The following PXDNL variants were observed in gnomAD, a reference collection of about 807,000 sequenced individuals.
PXDNL encodes the protein probable oxidoreductase PXDNL.
In PXDNL, 145 loss-of-function variants were observed where a neutral mutation model predicts 150.8. The observed-to-expected ratio is 0.96, with a 90% confidence interval of 0.84 to 1.10. The LOEUF is 1.10. Ranked by LOEUF, PXDNL falls within the 50% of genes least tolerant of loss-of-function variation. The probability of loss-of-function intolerance (pLI) is 0.00; values close to 1 mark genes in which losing one functional copy is unlikely to be tolerated. For synonymous variants in PXDNL, 757 were observed against 725.7 expected (o/e 1.04, Z -0.69); for missense variants, 2,087 against 1,873.9 (o/e 1.11, Z -2.10).
At chr8:51,566,967 CTGA>C (rs1812842550) in intron 3 of PXDNL, among the ~76,000 whole-genome samples, 1 of 151,660 alleles carries the variant, frequency 6.6e-6, no homozygotes, top group Non-Finnish European at 1.5e-5. Flanking sequence ...CCCGCGAAAT[CTGA>C]TGAGTTGTAT....
intron 4 of PXDNL, among the ~76,000 whole-genome samples, chr8:51,531,455 T>A (rs1811904931): frequency 6.6e-6 from 1 of 152,106 alleles, no homozygotes; most frequent in South Asian, 2.1e-4. Flanking sequence ...GAGGGCCACA[T>A]CTGGAGCAGC....
intron 1 of PXDNL, among the ~76,000 whole-genome samples, chr8:51,747,865 G>A (rs2037002486): frequency 6.6e-6 from 1 of 152,164 alleles, no homozygotes. Context: ...GCAGGAGTAG[G>A]GAAAGAGCTC....
chr8:51,621,376 T>A (rs1814247828), intron 2 of PXDNL, among the ~76,000 whole-genome samples: 1 of 151,986 alleles, frequency 6.6e-6, no homozygotes, highest in Non-Finnish European at 1.5e-5. Context: ...GTTGGTATAA[T>A]TAAAATATTG....
chr8:51,449,849 C>A (rs1452022018), intron 10 of PXDNL, among the ~76,000 whole-genome samples: 2 of 152,102 alleles, frequency 1.3e-5, no homozygotes, highest in Non-Finnish European at 2.9e-5. Flanking sequence ...CAATCCAGAT[C>A]CCAAAAAAGG....
At chr8:51,748,741 C>T (rs2037012849) in intron 1 of PXDNL, among the ~76,000 whole-genome samples, 1 of 152,210 alleles carries the variant, frequency 6.6e-6, no homozygotes, top group African/African-American at 2.4e-5. Context: ...AAGCCCCTAC[C>T]TTCCTTAGTA....
Position 51,735,529 on chromosome 8 carries a change from T to TG in PXDNL, c.164+73651_164+73652insC. 4.6e-5 allele frequency among the ~76,000 whole-genome samples: 3 copies of TG among 65,252 alleles called. No homozygotes were observed. The African/African-American group carries it at 6.2e-4, about 13-fold the overall frequency. The allele number at this position is 65,252 out of a possible 152,430, so 42.8% of individuals were successfully genotyped here. On this transcript the variant is annotated intron_variant, in intron 1 of 22. Transcript: ENST00000356297. ...ATTAATTAATTAATTAAAAATTGTT[T>TG]TTTTTTTTTTTTTTTTTTTTTTTTT...
At chr8:51,498,946 T>C (rs1013095392) in intron 5 of PXDNL, among the ~76,000 whole-genome samples, 7 of 152,188 alleles carry the variant, frequency 4.6e-5, no homozygotes, top group Admixed American at 4.6e-4. Flanking sequence ...CTCTACTCTT[T>C]TGTTGTTGGA....
chr8:51,597,684 T>C (rs1813603297), intron 2 of PXDNL, among the ~76,000 whole-genome samples: 1 of 151,878 alleles, frequency 6.6e-6, no homozygotes, highest in South Asian at 2.1e-4. Context: ...TATGTGTGTG[T>C]ATGTGTCTAC....
intron 19 of PXDNL, among the ~76,000 whole-genome samples, chr8:51,352,789 ATGT>A (rs1806392660): frequency 3.3e-5 from 5 of 152,216 alleles, no homozygotes; most frequent in African/African-American, 1.2e-4. Flanking sequence ...GAGTGAAATC[ATGT>A]CTTTTTCAGC....
rs139132530 is a variant in PXDNL at position 51,353,743 on chromosome 8, C to T, written c.3902-7796G>A. On this transcript the variant is annotated intron_variant, in intron 19 of 22. Coordinates refer to ENST00000356297, the MANE Select transcript of PXDNL (RefSeq NM_144651.5). ...ATTGATCTCATTAGTAATATTCAGACACAATTCTATTAAGCTGTGCTGAAT... is the reference window on the plus strand; with the variant it reads ...ATTGATCTCATTAGTAATATTCAGATACAATTCTATTAAGCTGTGCTGAAT... 5.6e-3 allele frequency among the ~76,000 whole-genome samples: 852 copies of T among 152,262 alleles called. 27 individuals carry two copies. Among genetic ancestry groups the T allele is most frequent in the Admixed American group, 0.042 (639 of 15,292 alleles).
chr8:51,581,668 C>T (rs562572928), intron 3 of PXDNL, among the ~76,000 whole-genome samples: 1 of 152,204 alleles, frequency 6.6e-6, no homozygotes, highest in East Asian at 1.9e-4. Context: ...GGGATACTGG[C>T]TTGCAATTTT....
In PXDNL at chr8:51,651,127, TAAC is replaced by T. The variant is rs1329647532; in HGVS notation, c.236+3559_236+3561del. On this transcript the variant is annotated intron_variant, in intron 2 of 22. Coordinates refer to ENST00000356297, the MANE Select transcript of PXDNL (RefSeq NM_144651.5). ...ATAGAACATATAATTTAATGCCATT[TAAC>T]AATAATATTAATACATACATTAACT... Among the ~76,000 whole-genome samples, 46 of 152,336 alleles carry T rather than the reference TAAC, an allele frequency of 3.0e-4. 1 individual carries two copies. The South Asian group carries it at 9.5e-3, about 32-fold the overall frequency.
intron 12 of PXDNL, among the ~76,000 whole-genome samples, chr8:51,433,971 GTTCT>G (rs1320291860): frequency 2.6e-5 from 4 of 151,882 alleles, no homozygotes; most frequent in Non-Finnish European, 5.9e-5. Context: ...TGTTCATCAG[GTTCT>G]TTTATTCACT....
At chr8:51,327,233 C>G (rs1042308417) in intron 21 of PXDNL, among the ~76,000 whole-genome samples, 1 of 152,172 alleles carries the variant, frequency 6.6e-6, no homozygotes, top group African/African-American at 2.4e-5. Flanking sequence ...TGGGTTGTTA[C>G]TAGAGCATAA....
intron 1 of PXDNL, among the ~76,000 whole-genome samples, chr8:51,703,314 C>T (rs1298038718): frequency 6.6e-6 from 1 of 151,228 alleles, no homozygotes; most frequent in South Asian, 2.1e-4. Flanking sequence ...AAGATAGTGG[C>T]ATTTCTTATT....
chr8:51,591,928 C>T (rs7831357), intron 3 of PXDNL, among the ~76,000 whole-genome samples: 3,760 of 152,238 alleles, frequency 0.025, 143 homozygotes, highest in African/African-American at 0.086. Flanking sequence ...CCATTATTGC[C>T]TTAACATTTT....
chr8:51,321,868 T>C (rs993153593), intron 21 of PXDNL, among the ~76,000 whole-genome samples: 13 of 152,184 alleles, frequency 8.5e-5, no homozygotes, highest in African/African-American at 2.9e-4. Context: ...ATGCCTGATA[T>C]TATGGACTGA....
At chr8:51,493,150 C>T (rs962005877) in intron 5 of PXDNL, among the ~76,000 whole-genome samples, 1 of 152,202 alleles carries the variant, frequency 6.6e-6, no homozygotes, top group Non-Finnish European at 1.5e-5. Context: ...GCAGACTGCG[C>T]TGCTGATACC....
intron 3 of PXDNL, among the ~76,000 whole-genome samples, chr8:51,580,602 G>C (rs1813187212): frequency 6.6e-6 from 1 of 152,100 alleles, no homozygotes. Context: ...CCATTCTACA[G>C]ATTAAAAATA....
Sources: gnomAD v4.1 joint callset for allele counts (sites outside exome capture counted in the v4.1 genomes callset) on GRCh38, gnomAD v4.1.1 for gene constraint, MANE v1.5 for transcripts, NCBI Gene and HGNC (gene_info 2026-07-23, HGNC 2026-07-21) for gene names.